Variants in DHX35 observed in about 807,000 individuals in gnomAD.
DHX35 encodes the protein DEAH-box helicase 35.
Under a neutral mutation model 99.6 loss-of-function variants are expected in DHX35, and 84 were observed. That is an observed-to-expected ratio of 0.84 (90% confidence interval 0.71 to 1.01). The LOEUF (loss-of-function observed/expected upper bound fraction) is 1.01, where lower values mean the gene tolerates loss of function less well. DHX35 is among the 50% of genes least tolerant of loss of function. The pLI is 0.00. For missense variants in DHX35, 852 were observed against 888.5 expected (o/e 0.96, Z 0.52); for synonymous variants, 331 against 316.2 (o/e 1.05, Z -0.50).
At chr20:38,992,765 T>C (rs753501274) in intron 7 of DHX35, among the ~76,000 whole-genome samples, 2 of 152,212 alleles carry the variant, frequency 1.3e-5, no homozygotes, top group Non-Finnish European at 2.9e-5. Context: ...TCTCTGAAGA[T>C]ATTATTTTTA....
Position 39,014,947 on chromosome 20 carries a change from C to T in DHX35, c.1402+13C>T. 6.2e-7 allele frequency: 1 copy of T among 1,614,062 alleles called. No homozygotes were observed. Among genetic ancestry groups the T allele is most frequent in the South Asian group, 1.1e-5 (1 of 91,074 alleles). On this transcript the variant is annotated intron_variant, in intron 14 of 21. Transcript: ENST00000252011. ...TATGCTCTGGGAGGTATGCCAGTTTCTCTCATCATTCTCTCTTATTATGTG... is the reference window on the plus strand; with the variant it reads ...TATGCTCTGGGAGGTATGCCAGTTTTTCTCATCATTCTCTCTTATTATGTG...
intron 11 of DHX35, among the ~76,000 whole-genome samples, chr20:39,005,442 C>G (rs879906282): frequency 6.6e-6 from 1 of 152,210 alleles, no homozygotes; most frequent in East Asian, 1.9e-4. Context: ...GGTCTCTGCT[C>G]AAAATCTTTC....
intron 2 of DHX35, among the ~76,000 whole-genome samples, chr20:38,971,594 A>C (rs1370563792): frequency 6.6e-6 from 1 of 152,144 alleles, no homozygotes; most frequent in Non-Finnish European, 1.5e-5. Context: ...GTGTAAGAAC[A>C]TGTCAACCTC....
chr20:39,038,505 T>C lies in DHX35; in HGVS notation c.2074T>C (p.Ser692Pro), dbSNP rs146274322. 13,430 of 1,613,570 alleles carry C rather than the reference T, an allele frequency of 8.3e-3. 109 individuals carry two copies. Among genetic ancestry groups the C allele is most frequent in the South Asian group, 0.023 (2,087 of 91,084 alleles). The change falls in exon 22 of 22, where the codon TCT (serine) becomes CCT (proline). Residue 692 changes from serine (S) to proline (P), a missense_variant. By Grantham distance (74) the Ser-to-Pro change is moderately conservative. Coordinates refer to ENST00000252011, the MANE Select transcript of DHX35 (RefSeq NM_021931.4). ...GTCTTCTCTTCTGTTGCAGCACCTG[T>C]CTCTGAAAGCCAAAAGGGCCAAGGT... Reference protein sequence around the residue: ...PHFYQQGTHLSLKAKRAKVQD... With the variant: ...PHFYQQGTHLPLKAKRAKVQD...
rs776634453 is a variant in DHX35 at position 39,010,366 on chromosome 20, C to T, written c.1309C>T (p.Leu437=). 4 of 1,614,022 alleles carry T rather than the reference C, an allele frequency of 2.5e-6. No homozygotes were observed. The African/African-American group carries it at 5.3e-5, about 22-fold the overall frequency. Residue 437 remains leucine, a synonymous_variant, in exon 13 of 22, where the codon CTA becomes TTA. Transcript: ENST00000252011. ...ACCTGTCATCCTGCAGCTGAAAGCACTAGGAATTGACAATGTCCTCAGGTT... is the reference window on the plus strand; with the variant it reads ...ACCTGTCATCCTGCAGCTGAAAGCATTAGGAATTGACAATGTCCTCAGGTT... ...LAPVILQLKA[L]GIDNVLRFHF...
In DHX35 at chr20:38,993,703, C is replaced by T. The variant is rs1461112632; in HGVS notation, c.583-1118C>T. On this transcript the variant is annotated intron_variant, in intron 7 of 21. Transcript: ENST00000252011. Reference sequence around the variant, plus strand: ...TTCTTTTCTTTTTTTTTTTTTTTCACGTTGGCTATTTTTCAAGGGCTCTAT... The same window carrying T: ...TTCTTTTCTTTTTTTTTTTTTTTCATGTTGGCTATTTTTCAAGGGCTCTAT... Among the ~76,000 whole-genome samples, 6 of 140,626 alleles carry T rather than the reference C, an allele frequency of 4.3e-5. No individual in the cohort carries two copies. In the East Asian group the frequency reaches 6.6e-4, roughly 15 times the overall value. The allele number at this position is 140,626 out of a possible 152,430, so 92.3% of individuals were successfully genotyped here.
chr20:39,008,449 C>T (rs973596762), intron 12 of DHX35, among the ~76,000 whole-genome samples: 13 of 152,146 alleles, frequency 8.5e-5, no homozygotes, highest in African/African-American at 2.9e-4. Context: ...TTTAAAGAGG[C>T]CAGCATTATC....
chr20:39,025,103 G>C (rs965868966), intron 17 of DHX35, 127 bp from the exon 18 acceptor site: 1 of 1,161,760 alleles, frequency 8.6e-7, no homozygotes, highest in African/African-American at 1.6e-5. Flanking sequence ...AAAAGGGCCA[G>C]TTCCCATCTT....
intron 7 of DHX35, 28 bp downstream of exon 7, chr20:38,992,453 G>C (rs565668084): frequency 6.2e-7 from 1 of 1,609,804 alleles, no homozygotes; most frequent in Admixed American, 1.7e-5. Flanking sequence ...GCTTTTCATT[G>C]TGTGTGTTTA....
chr20:39,003,269 A>G (rs1601412962), intron 10 of DHX35, among the ~76,000 whole-genome samples: 1 of 152,174 alleles, frequency 6.6e-6, no homozygotes, highest in Non-Finnish European at 1.5e-5. Context: ...TTACTGGTAA[A>G]ACAACTGAAC....
In DHX35 at chr20:38,962,347, C is replaced by G. The variant is rs373968541; in HGVS notation, c.-21C>G. On this transcript the variant is annotated 5_prime_UTR_variant, in exon 1 of 22. Coordinates refer to ENST00000252011, the MANE Select transcript of DHX35 (RefSeq NM_021931.4). ...CGCGCGACGGTGGGGTGGAGCTAGC[C>G]TCGTGACCTTTTACCCCAACATGGC... 1.9e-6 allele frequency: 3 copies of G among 1,610,540 alleles called. No individual in the cohort carries two copies. The highest frequency in any genetic ancestry group is 2.5e-6 in the Non-Finnish European group (3 of 1,178,504).
At chr20:38,995,470 G>A (rs1307700104) in intron 8 of DHX35, among the ~76,000 whole-genome samples, 2 of 151,944 alleles carry the variant, frequency 1.3e-5, no homozygotes, top group Non-Finnish European at 2.9e-5. Context: ...GTTGCAGTGA[G>A]CTGAGATCGC....
At position 39,038,494 on chromosome 20, in the gene DHX35, T is replaced by TG; in HGVS notation, c.2068-4dup. The TG allele has an allele frequency of 6.2e-7, 1 of 1,613,732 alleles. No individual in the cohort carries two copies. The highest frequency in any genetic ancestry group is 2.2e-5 in the East Asian group (1 of 44,886). ...CCAACTGTAGTGTCTTCTCTTCTGT[T>TG]GCAGCACCTGTCTCTGAAAGCCAAA... On this transcript the variant is annotated splice_region_variant and splice_polypyrimidine_tract_variant and intron_variant, in intron 21 of 21. Transcript: ENST00000252011.
chr20:39,033,540 A>T (rs2087094027), intron 20 of DHX35, among the ~76,000 whole-genome samples: 1 of 152,080 alleles, frequency 6.6e-6, no homozygotes, highest in Non-Finnish European at 1.5e-5. Context: ...AGGGGTGGGG[A>T]ACCACAGTAT....
intron 7 of DHX35, among the ~76,000 whole-genome samples, 192 bp downstream of exon 7, chr20:38,992,617 T>TGTGTGTGA (rs1031239334): frequency 6.6e-6 from 1 of 152,246 alleles, no homozygotes; most frequent in Middle Eastern, 3.4e-3. Context: ...TGTGTGTGTG[T>TGTGTGTGA]GTGTGTGTGA....
intron 4 of DHX35, among the ~76,000 whole-genome samples, chr20:38,985,756 C>T (rs2086240112): frequency 6.6e-6 from 1 of 152,116 alleles, no homozygotes; most frequent in African/African-American, 2.4e-5. Flanking sequence ...ATCTTAGTTC[C>T]AAATTTGTAG....
rs571532996 is a variant in DHX35 at position 39,002,921 on chromosome 20, G to A, written c.852+53G>A. 97 of 1,423,356 alleles carry A rather than the reference G, an allele frequency of 6.8e-5. 2 individuals are homozygous for A. The East Asian group carries it at 2.2e-3, about 32-fold the overall frequency. 88.2% of individuals were successfully genotyped at this position (1,423,356 alleles called of 1,614,324 possible). On this transcript the variant is annotated intron_variant, in intron 10 of 21. Transcript: ENST00000252011. ...TAGACATGTTAAGACAGCACCAAAA[G>A]TAATACAGAGCCTTGTTACTTTACT...
At position 39,034,228 on chromosome 20, in the gene DHX35, C is replaced by T. The variant is rs2087105575; in HGVS notation, c.1978C>T (p.Gln660Ter). 6.2e-7 allele frequency: 1 copy of T among 1,613,804 alleles called. No homozygotes were observed. The highest frequency in any genetic ancestry group is 8.5e-7 in the Non-Finnish European group (1 of 1,179,914). Residue 660 changes from glutamine to a stop codon, truncating the protein, a stop_gained, in exon 21 of 22, where the codon CAG (glutamine) becomes TAG (stop). Coordinates refer to ENST00000252011, the MANE Select transcript of DHX35 (RefSeq NM_021931.4). LOFTEE classifies it high-confidence loss of function. The stretch of plus-strand genomic sequence containing the variant: ...CAGGGTCATCTATAACGAAGTTATA[C>T]AGACCTCCAAGTACTACATGAGAGA... ...PRWVIYNEVI[Q>*]TSKYYMRDVT...
chr20:38,964,323 A>G (rs1230282212), intron 1 of DHX35, among the ~76,000 whole-genome samples: 1 of 152,166 alleles, frequency 6.6e-6, no homozygotes, highest in Non-Finnish European at 1.5e-5. Flanking sequence ...GTGCTAGGGT[A>G]TATTTTGGGG....
Sources: gnomAD v4.1 joint callset for allele counts (sites outside exome capture counted in the v4.1 genomes callset) on GRCh38, gnomAD v4.1.1 for gene constraint, MANE v1.5 for transcripts, NCBI Gene and HGNC (gene_info 2026-07-23, HGNC 2026-07-21) for gene names.